The following PARP10 variants were observed in gnomAD, a reference collection of about 807,000 sequenced individuals.
The protein encoded by PARP10 is protein mono-ADP-ribosyltransferase PARP10.
In PARP10, 56 loss-of-function variants were observed where a neutral mutation model predicts 82.4. The observed-to-expected ratio is 0.68, with a 90% CI of 0.55 to 0.85. The LOEUF (loss-of-function observed/expected upper bound fraction) is 0.85. Ranked by LOEUF, PARP10 falls within the 40% of genes least tolerant of loss-of-function variation. PARP10 has a pLI of 0.00. For synonymous variants in PARP10, 576 were observed against 601.1 expected, an observed-to-expected ratio of 0.96 and a Z score of 0.61; for missense variants, 1,227 against 1,379.4, an observed-to-expected ratio of 0.89 and a Z score of 1.75.
chr8:144,008,567 C>A lies in PARP10; in HGVS notation c.-80+3963G>T, dbSNP rs1010393981. On this transcript the variant is annotated intron_variant, in intron 1 of 3. Coordinates refer to the PARP10 transcript ENST00000530478. The surrounding 1 kb of genome is among the most constrained non-coding windows in gnomAD (Gnocchi z 4.0). ...CTAACGGGCCGGGAGGAGCGCAAAC[C>A]CCGAGTGCACCCCAGGAGGTTCCTG... 6.6e-6 allele frequency among the ~76,000 whole-genome samples: 1 copy of A among 152,164 alleles called. No homozygotes were observed. The highest frequency in any genetic ancestry group is 1.5e-5 in the Non-Finnish European group (1 of 68,030).
In PARP10 at chr8:144,008,347, G is replaced by A. The variant is rs951878196; in HGVS notation, c.-80+4183C>T. ...CTTCAGAAGGAAACTTATTAAACACGCAGAGAATCCCAAGCCAAGAAAGGG... is the reference window on the plus strand; with the variant it reads ...CTTCAGAAGGAAACTTATTAAACACACAGAGAATCCCAAGCCAAGAAAGGG... On this transcript the variant is annotated intron_variant, in intron 1 of 3. Coordinates refer to the PARP10 transcript ENST00000530478. The surrounding 1 kb of genome is among the most constrained non-coding windows in gnomAD (Gnocchi z 4.0). 4.6e-5 allele frequency among the ~76,000 whole-genome samples: 7 copies of A among 152,164 alleles called. No homozygotes were observed. The highest frequency in any genetic ancestry group is 2.1e-4 in the South Asian group (1 of 4,830).
chr8:144,002,217 C>A (rs1834207770), intron 1 of PARP10, among the ~76,000 whole-genome samples: 1 of 152,044 alleles, frequency 6.6e-6, no homozygotes, highest in Non-Finnish European at 1.5e-5. Flanking sequence ...AAATGTAAAT[C>A]TCATACCAAT....
At chr8:144,009,864 T>C (rs1834261777) in intron 1 of PARP10, among the ~76,000 whole-genome samples, 1 of 152,120 alleles carries the variant, frequency 6.6e-6, no homozygotes, top group African/African-American at 2.4e-5. Context: ...ATTTCTCAGC[T>C]CTGCCCACTC....
chr8:143,985,563 C>T lies in PARP10; in HGVS notation c.522G>A (p.Ala174=), dbSNP rs147869775. 52 of 1,614,048 alleles carry T rather than the reference C, an allele frequency of 3.2e-5. No individual in the cohort carries two copies. In the Middle Eastern group the frequency reaches 4.9e-4, roughly 15 times the overall value. The change falls in exon 4 of 11, where the codon GCG becomes GCA. Residue 174 remains alanine, a synonymous_variant. Coordinates refer to ENST00000313028, the MANE Select transcript of PARP10 (RefSeq NM_032789.5). ...VSLARVPQAR[A]VRVVGDGASV... is the part of the protein sequence containing the mutation. ...AGGCACCATCCCCCACCACACGCAC[C>T]GCTCGGGCCTGGGGAACCCGGGCCA... is the stretch of plus-strand genomic sequence containing the variant.
In PARP10 at chr8:143,985,605, C is replaced by G; in HGVS notation, c.480G>C (p.Glu160Asp). ...LEEQAQNLGLEGTLVSLARVP... is the reference protein window; with the variant it reads ...LEEQAQNLGLDGTLVSLARVP... ...CCCGGGCCAGGGACACCAAGGTCCCCTCCAGGCCCAGATTCTGGGCCTGCT... is the reference window on the plus strand; with the variant it reads ...CCCGGGCCAGGGACACCAAGGTCCCGTCCAGGCCCAGATTCTGGGCCTGCT... The change falls in exon 4 of 11, where the codon GAG (glutamate) becomes GAC (aspartate). Residue 160 changes from glutamate to aspartate, a missense_variant. Glu to Asp is a conservative substitution (Grantham distance 45). Coordinates refer to ENST00000313028, the MANE Select transcript of PARP10 (RefSeq NM_032789.5). The G allele has an allele frequency of 6.2e-7, 1 of 1,613,954 alleles. No individual in the cohort carries two copies. The highest frequency in any genetic ancestry group is 8.5e-7 in the Non-Finnish European group (1 of 1,179,992).
At chr8:143,991,016 G>T, upstream of PARP10, 1 of 389,992 alleles carries the variant, frequency 2.6e-6, no homozygotes, top group South Asian at 5.1e-5. Context: ...CCACGGCGCC[G>T]CCCGTCCGGT....
upstream of PARP10, among the ~76,000 whole-genome samples, chr8:143,995,959 A>G (rs1396016201): frequency 1.5e-4 from 23 of 152,152 alleles, no homozygotes; most frequent in Non-Finnish European, 1.9e-4. Flanking sequence ...TCCTCCTTCC[A>G]AATACGATGC....
chr8:144,012,635 G>C (rs142344652), exon 1 of PARP10: 3 of 1,551,732 alleles, frequency 1.9e-6, no homozygotes, highest in Non-Finnish European at 2.6e-6. Flanking sequence ...TCAAGTCAGC[G>C]ATCAAGACTC....
At chr8:144,005,588 C>T (rs1363376507) in intron 1 of PARP10, among the ~76,000 whole-genome samples, 1 of 152,120 alleles carries the variant, frequency 6.6e-6, no homozygotes, top group East Asian at 1.9e-4. Context: ...AATCCAAAAC[C>T]TCATCTCAGC....
chr8:143,983,411 G>T lies in PARP10; in HGVS notation c.2178C>A (p.Leu726=). ...GGACGTGGACCTCCAAGGCAGCCCT[G>T]AGCGCCCGGTCCAGCTCCTCCACAT... The part of the protein sequence containing the change: ...EQDVEELDRA[L]RAALEVHVQE... Residue 726 remains leucine (L), a synonymous_variant, in exon 8 of 11, where the codon CTC becomes CTA. Transcript: ENST00000313028. 6.2e-7 allele frequency: 1 copy of T among 1,604,626 alleles called. No individual in the cohort carries two copies.
chr8:143,991,586 A>G (rs782399343), upstream of PARP10: 2 of 1,588,814 alleles, frequency 1.3e-6, no homozygotes, highest in Middle Eastern at 1.7e-4. Context: ...AGGTCTTCCC[A>G]GGACAAGACC....
chr8:143,994,575 G>A (rs375422739), upstream of PARP10, among the ~76,000 whole-genome samples: 4 of 152,138 alleles, frequency 2.6e-5, no homozygotes, highest in African/African-American at 4.8e-5. Context: ...CCTCTCAGCC[G>A]GGGGCCCTGA....
rs370186905 is a variant in PARP10, at chr8:143,986,054, C to T, written c.181+1G>A. On this transcript the variant is annotated splice_donor_variant, in intron 2 of 10. Coordinates refer to ENST00000313028, the MANE Select transcript of PARP10 (RefSeq NM_032789.5). LOFTEE classifies it high-confidence loss of function. ...GCTGTCCCTTCAGCCAGCCCTCTCA[C>T]CTGCAGGCTCTCTGAAGGTGAGGAC... is the stretch of plus-strand genomic sequence containing the variant. 4.3e-6 allele frequency: 7 copies of T among 1,613,628 alleles called. No individual in the cohort carries two copies. The highest frequency in any genetic ancestry group is 5.9e-6 in the Non-Finnish European group (7 of 1,179,706).
intron 1 of PARP10, among the ~76,000 whole-genome samples, chr8:144,007,539 G>A (rs1327771289): frequency 5.3e-5 from 8 of 152,182 alleles, no homozygotes; most frequent in Admixed American, 5.2e-4. Context: ...TATATTTATT[G>A]AGCACTTACC....
exon 1 of PARP10, chr8:144,012,659 C>G: frequency 6.4e-7 from 1 of 1,551,704 alleles, no homozygotes; most frequent in Non-Finnish European, 8.7e-7. Context: ...CAGGCGGGCT[C>G]GGCATCAGCG....
At chr8:143,992,243 A>G, upstream of PARP10, 1 of 1,604,132 alleles carries the variant, frequency 6.2e-7, no homozygotes, top group Non-Finnish European at 8.5e-7. Flanking sequence ...TCCCAACTGC[A>G]GTCGGTCCTG....
At chr8:143,995,643 C>T (rs150524920), upstream of PARP10, among the ~76,000 whole-genome samples, 3 of 152,262 alleles carry the variant, frequency 2.0e-5, no homozygotes, top group African/African-American at 7.2e-5. Context: ...ATCTTGTAGG[C>T]CTCAGTGTTG....
intron 1 of PARP10, among the ~76,000 whole-genome samples, chr8:144,000,560 G>A (rs1554751623): frequency 6.6e-6 from 1 of 152,112 alleles, no homozygotes; most frequent in African/African-American, 2.4e-5. Flanking sequence ...AACCTGGGAG[G>A]CGGAGCTTGC....
At chr8:144,004,181 G>T (rs1243731860) in intron 1 of PARP10, among the ~76,000 whole-genome samples, 1 of 151,554 alleles carries the variant, frequency 6.6e-6, no homozygotes, top group Admixed American at 6.6e-5. Context: ...AGCTGGGTAT[G>T]GTGGCGCTTG....
Sources: gnomAD v4.1 joint callset for allele counts (sites outside exome capture counted in the v4.1 genomes callset) on GRCh38, gnomAD v4.1.1 for gene constraint, Gnocchi (gnomAD v3.1) non-coding constraint, MANE v1.5 for transcripts, NCBI Gene and HGNC (gene_info 2026-07-23, HGNC 2026-07-21) for gene names.